CUL4A: variants seen among roughly 807,000 people sequenced by gnomAD.
CUL4A encodes cullin 4A.
A neutral mutation model predicts 95.5 loss-of-function variants in CUL4A; 16 were observed. The observed-to-expected ratio is 0.17, with a 90% confidence interval of 0.11 to 0.25. CUL4A has a LOEUF of 0.25. Among genes scored for constraint, CUL4A ranks in the 10% least tolerant of loss-of-function variants. The pLI is 1.00. For missense variants in CUL4A, 610 were observed against 937.0 expected, an observed-to-expected ratio of 0.65 and a Z score of 4.56; for synonymous variants, 380 against 353.1, an observed-to-expected ratio of 1.08 and a Z score of -0.85.
intron 3 of CUL4A, among the ~76,000 whole-genome samples, chr13:113,226,055 G>T (rs559774126): frequency 1.1e-4 from 17 of 152,290 alleles, no homozygotes; most frequent in Non-Finnish European, 2.2e-4. Flanking sequence ...AGACCCCCCG[G>T]GAGCCCCTTG....
intron 3 of CUL4A, among the ~76,000 whole-genome samples, chr13:113,226,372 A>G (rs2041105000): frequency 6.6e-6 from 1 of 152,214 alleles, no homozygotes; most frequent in African/African-American, 2.4e-5. Flanking sequence ...TAGGAAGTCC[A>G]TGTTCTGTCC....
chr13:113,218,008 G>A (rs1248939745), intron 2 of CUL4A, among the ~76,000 whole-genome samples: 2 of 152,170 alleles, frequency 1.3e-5, no homozygotes, highest in Admixed American at 6.5e-5. Flanking sequence ...AGGCCGAGGC[G>A]GACAAATCAC....
intron 16 of CUL4A, among the ~76,000 whole-genome samples, chr13:113,254,147 G>A (rs1443855996): frequency 6.6e-6 from 1 of 152,070 alleles, no homozygotes; most frequent in Non-Finnish European, 1.5e-5. Flanking sequence ...ATGAGTCTGG[G>A]CTGGGTCCGC....
At chr13:113,258,376 C>A (rs2042187483) in intron 18 of CUL4A, among the ~76,000 whole-genome samples, 1 of 152,144 alleles carries the variant, frequency 6.6e-6, no homozygotes, top group Non-Finnish European at 1.5e-5. Flanking sequence ...CTTTGCTCCC[C>A]CAAATAAGAA....
intron 9 of CUL4A, 149 bp downstream of exon 9, chr13:113,237,039 C>T (rs1270736173): frequency 1.7e-6 from 1 of 582,284 alleles, no homozygotes. Flanking sequence ...AACATGTTAG[C>T]CATCCACGGG....
intron 16 of CUL4A, among the ~76,000 whole-genome samples, chr13:113,253,463 A>G (rs2042045207): frequency 6.6e-6 from 1 of 152,222 alleles, no homozygotes; most frequent in Admixed American, 6.5e-5. Flanking sequence ...TGAAAAAAAT[A>G]TCTGTGAAGA....
intron 9 of CUL4A, among the ~76,000 whole-genome samples, chr13:113,237,621 C>T (rs1173455903): frequency 6.6e-6 from 1 of 152,216 alleles, no homozygotes; most frequent in East Asian, 1.9e-4. Context: ...TTAGTACTTA[C>T]TGGCACATTT....
At chr13:113,241,128 A>G (rs2041697006) in intron 10 of CUL4A, among the ~76,000 whole-genome samples, 3 of 152,190 alleles carry the variant, frequency 2.0e-5, no homozygotes, top group Non-Finnish European at 4.4e-5. Flanking sequence ...TAGAATTGGA[A>G]CTTATAACTG....
intron 3 of CUL4A, among the ~76,000 whole-genome samples, chr13:113,227,547 A>G (rs1160312011): frequency 6.6e-6 from 1 of 152,238 alleles, no homozygotes; most frequent in Non-Finnish European, 1.5e-5. Flanking sequence ...ATATTCTTTC[A>G]GTATTCCAGT....
At chr13:113,209,526 G>T (rs1357945207), upstream of CUL4A, 1 of 685,492 alleles carries the variant, frequency 1.5e-6, no homozygotes, top group Non-Finnish European at 1.8e-6. Flanking sequence ...GGGGCGGGGC[G>T]CGCGAGGAGG....
At chr13:113,252,830 T>C (rs1566368082) in intron 15 of CUL4A, among the ~76,000 whole-genome samples, 1 of 152,162 alleles carries the variant, frequency 6.6e-6, no homozygotes, top group Non-Finnish European at 1.5e-5. Flanking sequence ...CCCTGGTATG[T>C]ACAGAGACCA....
At chr13:113,235,946 G>A (rs1358800855) in intron 8 of CUL4A, among the ~76,000 whole-genome samples, 1 of 151,334 alleles carries the variant, frequency 6.6e-6, no homozygotes, top group African/African-American at 2.4e-5. Flanking sequence ...ACTCCAGCCT[G>A]GGCGACAGAG....
chr13:113,229,313 T>A (rs2041225109), intron 4 of CUL4A, 133 bp from the exon 5 acceptor site: 3 of 670,732 alleles, frequency 4.5e-6, no homozygotes, highest in South Asian at 1.8e-5. Context: ...AAAAAAAAAA[T>A]AAAACATGAG....
At chr13:113,262,145 G>C (rs2042296964) in intron 19 of CUL4A, among the ~76,000 whole-genome samples, 1 of 152,160 alleles carries the variant, frequency 6.6e-6, no homozygotes, top group South Asian at 2.1e-4. Context: ...GGAAAATAGA[G>C]GGTCTCCCTT....
In CUL4A at chr13:113,213,068, A is replaced by G. The variant is rs7333933; in HGVS notation, c.264+2980A>G. 9.0e-3 allele frequency among the ~76,000 whole-genome samples: 1,375 copies of G among 152,210 alleles called. 14 individuals carry two copies. Among genetic ancestry groups the G allele is most frequent in the Non-Finnish European group, 0.013 (911 of 68,014 alleles). ...GATTGACGGTATATAGAATCTACAG[A>G]TCAATGTAGGAGAATTAAATTCTTA... On this transcript the variant is annotated intron_variant, in intron 2 of 19. Coordinates refer to ENST00000375440, the MANE Select transcript of CUL4A (RefSeq NM_001008895.4).
chr13:113,243,640 G>A (rs1008141580), intron 11 of CUL4A, among the ~76,000 whole-genome samples: 3 of 151,218 alleles, frequency 2.0e-5, no homozygotes, highest in Admixed American at 6.6e-5. Context: ...GAAATACGAC[G>A]ATACTAGATT....
intron 15 of CUL4A, among the ~76,000 whole-genome samples, chr13:113,247,089 G>C (rs1333205924): frequency 1.3e-5 from 2 of 152,142 alleles, no homozygotes; most frequent in African/African-American, 4.8e-5. Context: ...GCGAGAGAGA[G>C]GGCGCAACAG....
At chr13:113,251,769 A>T (rs540382404) in intron 15 of CUL4A, among the ~76,000 whole-genome samples, 1 of 152,336 alleles carries the variant, frequency 6.6e-6, no homozygotes, top group East Asian at 1.9e-4. Context: ...TACAGCCTGC[A>T]GAACTGTGAG....
chr13:113,260,532 T>C, intron 18 of CUL4A, 75 bp from the exon 19 acceptor site: 1 of 1,352,042 alleles, frequency 7.4e-7, no homozygotes, highest in Non-Finnish European at 1.0e-6. Context: ...CCCAGGCAAC[T>C]GAGTGAGACT....
Sources: allele counts gnomAD v4.1 joint callset (sites outside exome capture counted in the v4.1 genomes callset), GRCh38; gene constraint gnomAD v4.1.1; transcripts MANE v1.5; gene names NCBI Gene and HGNC (gene_info 2026-07-23, HGNC 2026-07-21).